CPVL: variants seen among roughly 807,000 people sequenced by gnomAD.
CPVL encodes probable serine carboxypeptidase CPVL.
In CPVL, 51 loss-of-function variants were observed where a neutral mutation model predicts 63.7. That is an observed-to-expected ratio of 0.80 (90% CI 0.64 to 1.01). The LOEUF (loss-of-function observed/expected upper bound fraction) is 1.01. CPVL is among the 50% of genes least tolerant of loss of function. The pLI, the probability that CPVL is intolerant of heterozygous loss-of-function variation, is 0.00. For synonymous variants in CPVL, 195 were observed against 206.0 expected (o/e 0.95, Z 0.46); for missense variants, 530 against 573.1 (o/e 0.92, Z 0.77).
rs1051329102 is a variant in CPVL, at chr7:29,042,118, G to A, written c.1138-11359C>T. Among the ~76,000 whole-genome samples the A allele has an allele frequency of 5.3e-5, 8 of 151,944 alleles. No individual in the cohort carries two copies. The East Asian group carries it at 5.8e-4, about 11-fold the overall frequency. On this transcript the variant is annotated intron_variant, in intron 11 of 12. Coordinates refer to ENST00000265394, the MANE Select transcript of CPVL (RefSeq NM_031311.5). ...CAAGGACAGCCACTCTCGGAGGAGCGGTCTGCGGTTCATGAAGCTGGATTA... is the reference window on the plus strand; with the variant it reads ...CAAGGACAGCCACTCTCGGAGGAGCAGTCTGCGGTTCATGAAGCTGGATTA...
intron 5 of CPVL, among the ~76,000 whole-genome samples, chr7:29,167,641 G>A (rs1360821254): frequency 6.6e-6 from 1 of 152,118 alleles, no homozygotes; most frequent in Non-Finnish European, 1.5e-5. Context: ...AAGTGTGTAA[G>A]TGTTTTTATT....
At chr7:29,069,205 C>A (rs140754887) in intron 9 of CPVL, among the ~76,000 whole-genome samples, 1 of 150,538 alleles carries the variant, frequency 6.6e-6, no homozygotes, top group Admixed American at 6.6e-5. Context: ...TTTGGAAGGC[C>A]GAGGCGGGCG....
At position 29,129,249 on chromosome 7, in the gene CPVL, C is replaced by T. The variant is rs1477198747; in HGVS notation, c.-10-8178G>A. Among the ~76,000 whole-genome samples the T allele has an allele frequency of 5.3e-5, 8 of 152,210 alleles. No individual in the cohort carries two copies. The East Asian group carries it at 1.5e-3, about 29-fold the overall frequency. ...GGTCAGCTACATTGTGAAGGCAGAT[C>T]CATGAATATTTGCTCATAGACCAGA... On this transcript the variant is annotated intron_variant, in intron 1 of 12. Coordinates refer to ENST00000265394, the MANE Select transcript of CPVL (RefSeq NM_031311.5).
At chr7:29,102,705 T>C (rs1291887001) in intron 3 of CPVL, among the ~76,000 whole-genome samples, 1 of 152,158 alleles carries the variant, frequency 6.6e-6, no homozygotes, top group Non-Finnish European at 1.5e-5. Flanking sequence ...GAAGCAACTA[T>C]GGCTTTGCCT....
intron 11 of CPVL, among the ~76,000 whole-genome samples, chr7:29,053,032 A>G (rs1790360597): frequency 6.6e-6 from 1 of 152,220 alleles, no homozygotes; most frequent in Admixed American, 6.5e-5. Flanking sequence ...AAACATAAAA[A>G]TGAAAAATAA....
chr7:29,023,102 A>G (rs1299331769), intron 12 of CPVL, among the ~76,000 whole-genome samples: 1 of 152,146 alleles, frequency 6.6e-6, no homozygotes, highest in Non-Finnish European at 1.5e-5. Flanking sequence ...CACACTGCCC[A>G]GGAGTTCAGT....
chr7:29,157,216 C>G (rs1222888580), intron 5 of CPVL, among the ~76,000 whole-genome samples: 1 of 152,196 alleles, frequency 6.6e-6, no homozygotes, highest in Non-Finnish European at 1.5e-5. Context: ...GCTACCCACA[C>G]CTCTGAGTGG....
At chr7:29,002,116 C>G (rs1215142337) in intron 12 of CPVL, among the ~76,000 whole-genome samples, 1 of 152,076 alleles carries the variant, frequency 6.6e-6, no homozygotes, top group East Asian at 1.9e-4. Context: ...GACGCCAAGT[C>G]AAAAGCGGCA....
Position 29,092,680 on chromosome 7 carries a change from G to A in CPVL, c.485C>T (p.Thr162Ile). The A allele has an allele frequency of 6.2e-7, 1 of 1,613,758 alleles. No individual in the cohort carries two copies. Among genetic ancestry groups the A allele is most frequent in the Non-Finnish European group, 8.5e-7 (1 of 1,179,668 alleles). ...DNPVGTGFSFTDDTHGYAVNE... is the reference protein window; with the variant it reads ...DNPVGTGFSFIDDTHGYAVNE... ...GACTGCATATCCGTGGGTATCATCA[G>A]TAAAACTGAAGCCTGTGCCCACCTG... The change falls in exon 6 of 13, where the codon ACT (threonine) becomes ATT (isoleucine). Residue 162 changes from threonine to isoleucine, a missense_variant. By Grantham distance (89) the Thr-to-Ile change is moderately conservative. Transcript: ENST00000265394.
chr7:29,077,574 T>G (rs535205739), intron 7 of CPVL, among the ~76,000 whole-genome samples: 6 of 151,984 alleles, frequency 3.9e-5, no homozygotes, highest in Non-Finnish European at 8.8e-5. Context: ...AACCCCACTC[T>G]CCCCAGCTAC....
chr7:29,129,014 AATG>A (rs1465002339), intron 1 of CPVL, among the ~76,000 whole-genome samples: 1 of 152,156 alleles, frequency 6.6e-6, no homozygotes, highest in Non-Finnish European at 1.5e-5. Context: ...ATTTTATTCT[AATG>A]ATAATGGGAG....
rs551004691 is a variant in CPVL, at chr7:29,076,862, T to C, written c.610-4439A>G. 2.6e-5 allele frequency among the ~76,000 whole-genome samples: 4 copies of C among 152,358 alleles called. No homozygotes were observed. The East Asian group carries it at 7.7e-4, about 29-fold the overall frequency. ...AGGAGAGAAAAAGGCCTCAACATCA[T>C]AGCTGAATAGTAGTTTTGAATCTTG... On this transcript the variant is annotated intron_variant, in intron 7 of 12. Transcript: ENST00000265394.
chr7:29,071,444 G>A (rs1376762124), intron 9 of CPVL, among the ~76,000 whole-genome samples: 1 of 152,162 alleles, frequency 6.6e-6, no homozygotes, highest in Non-Finnish European at 1.5e-5. Context: ...TTCCTGGGTT[G>A]CCTTTCTTCT....
chr7:29,187,459 C>G (rs1271643016), intron 1 of CPVL, among the ~76,000 whole-genome samples: 2 of 152,106 alleles, frequency 1.3e-5, no homozygotes, highest in Non-Finnish European at 2.9e-5. Flanking sequence ...CACGGTGGCT[C>G]ACGCCTGTAA....
intron 11 of CPVL, among the ~76,000 whole-genome samples, chr7:29,046,085 C>CT (rs1233373004): frequency 0.061 from 8,221 of 135,282 alleles, 856 homozygotes; most frequent in African/African-American, 0.21. Flanking sequence ...CTAGATGAAC[C>CT]TTTTTTTTTT....
chr7:29,146,485 T>G lies in CPVL; in HGVS notation c.-67A>C, dbSNP rs535813152. 21 of 1,447,916 alleles carry G rather than the reference T, an allele frequency of 1.5e-5. No homozygotes were observed. The highest frequency in any genetic ancestry group is 1.9e-5 in the Non-Finnish European group (21 of 1,099,928). 89.7% of individuals were successfully genotyped at this position (1,447,916 alleles called of 1,614,324 possible). A position where few individuals can be genotyped will look rare whatever the true frequency, so the allele number is the denominator to read the frequency against. ...GGCGCGCAAGGACCCCAGCCGGTTG[T>G]CCTTGCAGCGCTTCCCAAATCAGGC... On this transcript the variant is annotated 5_prime_UTR_variant, in exon 1 of 13. Coordinates refer to ENST00000265394, the MANE Select transcript of CPVL (RefSeq NM_031311.5).
chr7:29,112,539 G>A (rs897783797), intron 3 of CPVL, among the ~76,000 whole-genome samples, 165 bp downstream of exon 3: 2 of 151,928 alleles, frequency 1.3e-5, no homozygotes, highest in African/African-American at 4.8e-5. Context: ...CCATAAATAG[G>A]AACACCATGC....
At chr7:29,065,952 C>A in intron 10 of CPVL, 71 bp downstream of exon 10, 1 of 850,440 alleles carries the variant, frequency 1.2e-6, no homozygotes, top group South Asian at 1.6e-5. Flanking sequence ...TAATATTTCC[C>A]AAATCAAAGG....
intron 1 of CPVL, among the ~76,000 whole-genome samples, chr7:29,133,972 C>T (rs1282392684): frequency 6.6e-6 from 1 of 152,170 alleles, no homozygotes; most frequent in Non-Finnish European, 1.5e-5. Context: ...CATTTAGATC[C>T]TCAAGTCCCT....
Sources: allele counts gnomAD v4.1 joint callset (sites outside exome capture counted in the v4.1 genomes callset), GRCh38; gene constraint gnomAD v4.1.1; transcripts MANE v1.5; gene names NCBI Gene and HGNC (gene_info 2026-07-23, HGNC 2026-07-21).